Variants in C4orf17 observed in about 807,000 individuals in gnomAD.
C4orf17 encodes the protein chromosome 4 open reading frame 17.
Under a neutral mutation model 32.0 loss-of-function variants are expected in C4orf17, and 25 were observed. The observed-to-expected ratio is 0.78, with a 90% CI of 0.57 to 1.09. The LOEUF is 1.09. C4orf17 is among the 50% of genes least tolerant of loss of function. C4orf17 has a pLI of 0.00. For synonymous variants in C4orf17, 149 were observed against 145.8 expected, an observed-to-expected ratio of 1.02 and a Z score of -0.16; for missense variants, 420 against 420.0, an observed-to-expected ratio of 1.00 and a Z score of 0.00.
intron 6 of C4orf17, among the ~76,000 whole-genome samples, chr4:99,538,694 A>T (rs1383144404): frequency 6.6e-6 from 1 of 152,200 alleles, no homozygotes; most frequent in Non-Finnish European, 1.5e-5. Context: ...AAAGAAAAAA[A>T]GAGATGAGAC....
intron 4 of C4orf17, among the ~76,000 whole-genome samples, chr4:99,526,016 G>T (rs1005052368): frequency 9.9e-5 from 15 of 152,092 alleles, no homozygotes; most frequent in African/African-American, 3.6e-4. Context: ...TATTGCAATG[G>T]CTAGAACCTC....
At chr4:99,540,350 T>C (rs1295137928) in intron 7 of C4orf17, 62 bp from the exon 8 acceptor site, 1 of 1,173,026 alleles carries the variant, frequency 8.5e-7, no homozygotes, top group Non-Finnish European at 1.3e-6. Context: ...GACAGTGTAG[T>C]CTATAGAAAA....
At chr4:99,536,027 G>A in intron 5 of C4orf17, 1 of 443,114 alleles carries the variant, frequency 2.3e-6, no homozygotes, top group Non-Finnish European at 4.5e-6. Context: ...GTTGCCTTGA[G>A]TTTTCCCATA....
At chr4:99,528,009 G>C (rs1356524777) in intron 4 of C4orf17, among the ~76,000 whole-genome samples, 1 of 152,096 alleles carries the variant, frequency 6.6e-6, no homozygotes, top group African/African-American at 2.4e-5. Context: ...TTACAAAACT[G>C]TTCAGATTTT....
intron 1 of C4orf17, 59 bp from the exon 2 acceptor site, chr4:99,512,930 G>T (rs1020730050): frequency 2.9e-6 from 2 of 696,744 alleles, no homozygotes; most frequent in Admixed American, 5.8e-5. Flanking sequence ...AGAAATGTTT[G>T]ATATATAAGA....
At chr4:99,531,743 G>A (rs780373929) in intron 5 of C4orf17, among the ~76,000 whole-genome samples, 11 of 152,162 alleles carry the variant, frequency 7.2e-5, no homozygotes, top group African/African-American at 1.7e-4. Flanking sequence ...ATAAATGAAC[G>A]GAGAGGGAAT....
intron 8 of C4orf17, chr4:99,541,642 A>G: frequency 2.8e-6 from 1 of 360,338 alleles, no homozygotes; most frequent in South Asian, 2.9e-5. Context: ...TGTCACTCTT[A>G]CCCATAAACA....
chr4:99,531,536 C>T (rs1723476482), intron 5 of C4orf17, among the ~76,000 whole-genome samples: 1 of 152,124 alleles, frequency 6.6e-6, no homozygotes, highest in African/African-American at 2.4e-5. Context: ...CTCTCAAAAG[C>T]ATCTTCTATC....
intron 2 of C4orf17, among the ~76,000 whole-genome samples, chr4:99,520,121 G>T (rs1243661372): frequency 7.2e-6 from 1 of 139,638 alleles, no homozygotes; most frequent in African/African-American, 2.6e-5. Context: ...ACGGAGTCTC[G>T]CTCTTTCACC....
At position 99,539,278 on chromosome 4, in the gene C4orf17, A is replaced by G. The variant is rs1723614765; in HGVS notation, c.744A>G (p.Thr248=). The G allele has an allele frequency of 6.2e-7, 1 of 1,614,010 alleles. No homozygotes were observed. Among genetic ancestry groups the G allele is most frequent in the South Asian group, 1.1e-5 (1 of 91,088 alleles). ...EPAAETGKPP[T]VKSPPTVKLP... ...CAGCAGAGACTGGGAAGCCACCCAC[A>G]GTTAAATCACCACCCACAGTTAAAT... The change falls in exon 7 of 9, where the codon ACA becomes ACG. Residue 248 remains threonine (T), a synonymous_variant. Transcript: ENST00000326581.
chr4:99,514,486 C>T (rs976036821), intron 2 of C4orf17, among the ~76,000 whole-genome samples: 1 of 151,878 alleles, frequency 6.6e-6, no homozygotes, highest in African/African-American at 2.4e-5. Flanking sequence ...TACAGACAGC[C>T]AACAAATGTG....
chr4:99,537,297 G>A (rs931802301), intron 5 of C4orf17, among the ~76,000 whole-genome samples: 1 of 152,140 alleles, frequency 6.6e-6, no homozygotes, highest in Non-Finnish European at 1.5e-5. Context: ...GTGCACAGGC[G>A]GTTGGACACT....
chr4:99,531,854 C>CAAA (rs11447036), intron 5 of C4orf17, among the ~76,000 whole-genome samples: 1 of 151,808 alleles, frequency 6.6e-6, no homozygotes, highest in African/African-American at 2.4e-5. Flanking sequence ...ATGTTTCCTA[C>CAAA]AAAAAAATGT....
At chr4:99,535,827 G>A (rs1374213294) in intron 5 of C4orf17, 1 of 381,698 alleles carries the variant, frequency 2.6e-6, no homozygotes, top group Non-Finnish European at 5.0e-6. Flanking sequence ...GGCTTTTTGA[G>A]TTTTCAGCAT....
chr4:99,537,577 T>C, intron 5 of C4orf17, 92 bp from the exon 6 acceptor site: 1 of 889,188 alleles, frequency 1.1e-6, no homozygotes, highest in Non-Finnish European at 1.8e-6. Context: ...AAAGTGATAT[T>C]TGGGAAGATG....
intron 5 of C4orf17, among the ~76,000 whole-genome samples, chr4:99,530,262 G>T (rs1723456748): frequency 6.6e-6 from 1 of 152,036 alleles, no homozygotes; most frequent in South Asian, 2.1e-4. Context: ...TAATACTTGA[G>T]AGACACTACT....
In C4orf17 at chr4:99,540,411, G is replaced by C; in HGVS notation, c.837-1G>C. On this transcript the variant is annotated splice_acceptor_variant, in intron 7 of 8. Transcript: ENST00000326581. LOFTEE classifies it high-confidence loss of function. The stretch of plus-strand genomic sequence containing the variant: ...CTTTTTTCTTTCTCCAACTGATCTA[G>C]AGTGTCAAGTCAAGGATCTGAAGAA... 1 of 1,610,406 alleles carries C rather than the reference G, an allele frequency of 6.2e-7. No individual in the cohort carries two copies. Among genetic ancestry groups the C allele is most frequent in the South Asian group, 1.1e-5 (1 of 90,696 alleles).
At chr4:99,532,285 G>A (rs570653768) in intron 5 of C4orf17, among the ~76,000 whole-genome samples, 11 of 152,204 alleles carry the variant, frequency 7.2e-5, no homozygotes, top group Admixed American at 3.9e-4. Context: ...CAATAGCAAA[G>A]ACATGGAATC....
intron 5 of C4orf17, among the ~76,000 whole-genome samples, chr4:99,530,796 TA>T (rs892614584): frequency 6.8e-6 from 1 of 147,698 alleles, no homozygotes; most frequent in Non-Finnish European, 1.5e-5. Context: ...TTGAGGAGAA[TA>T]AAAGGAAATG....
Sources: gnomAD v4.1 joint callset for allele counts (sites outside exome capture counted in the v4.1 genomes callset) on GRCh38, gnomAD v4.1.1 for gene constraint, MANE v1.5 for transcripts, NCBI Gene and HGNC (gene_info 2026-07-23, HGNC 2026-07-21) for gene names.